OLFM3: variants seen among roughly 807,000 people sequenced by gnomAD.
OLFM3 encodes olfactomedin 3.
A neutral mutation model predicts 48.6 loss-of-function variants in OLFM3; 20 were observed. The observed-to-expected ratio is 0.41, with a 90% CI of 0.29 to 0.60. OLFM3 has a LOEUF of 0.60. Ranked by LOEUF, OLFM3 falls within the 20% of genes least tolerant of loss-of-function variation. The pLI is 0.28. For missense variants in OLFM3, 437 were observed against 544.3 expected (o/e 0.80, Z 1.96); for synonymous variants, 222 against 198.1 (o/e 1.12, Z -1.01).
At chr1:101,946,746 A>G (rs1173944620) in intron 1 of OLFM3, among the ~76,000 whole-genome samples, 1 of 152,178 alleles carries the variant, frequency 6.6e-6, no homozygotes, top group Non-Finnish European at 1.5e-5. Flanking sequence ...ACTGAACTCT[A>G]TAAACTTTTT....
chr1:101,844,428 C>T (rs1655883267), intron 1 of OLFM3, among the ~76,000 whole-genome samples: 1 of 152,064 alleles, frequency 6.6e-6, no homozygotes, highest in South Asian at 2.1e-4. Flanking sequence ...ACCAAGAGGG[C>T]CAATGACTGG....
At chr1:101,884,211 T>C (rs1293940452) in intron 1 of OLFM3, among the ~76,000 whole-genome samples, 3 of 151,994 alleles carry the variant, frequency 2.0e-5, no homozygotes, top group African/African-American at 4.8e-5. Context: ...ATGTTTAATA[T>C]GTTTTATAAA....
intron 1 of OLFM3, among the ~76,000 whole-genome samples, chr1:101,962,088 A>G (rs976537502): frequency 3.3e-5 from 5 of 152,166 alleles, no homozygotes; most frequent in Admixed American, 3.3e-4. Context: ...TGTTTAGTGA[A>G]GCTAAATTAA....
intron 4 of OLFM3, chr1:101,812,771 A>T (rs578244247): frequency 1.0e-6 from 1 of 988,730 alleles, no homozygotes; most frequent in Non-Finnish European, 1.2e-6. Context: ...TAAACTAAAC[A>T]TTGGGTGACC....
intron 1 of OLFM3, among the ~76,000 whole-genome samples, chr1:101,884,897 G>A (rs899114671): frequency 6.6e-6 from 1 of 151,902 alleles, no homozygotes; most frequent in Non-Finnish European, 1.5e-5. Flanking sequence ...TGAAACACAC[G>A]TTTCTAATTC....
At chr1:101,812,373 G>T in intron 4 of OLFM3, 1 of 946,854 alleles carries the variant, frequency 1.1e-6, no homozygotes, top group Non-Finnish European at 1.3e-6. Flanking sequence ...AGTGAAGTTT[G>T]ATTTACCAGC....
intron 1 of OLFM3, among the ~76,000 whole-genome samples, chr1:101,841,453 A>T (rs1330552523): frequency 6.6e-6 from 1 of 152,232 alleles, no homozygotes; most frequent in East Asian, 1.9e-4. Flanking sequence ...ATAAATGTAG[A>T]TAGATCATCT....
At chr1:101,822,900 CT>C (rs1400775785) in intron 4 of OLFM3, among the ~76,000 whole-genome samples, 2 of 150,310 alleles carry the variant, frequency 1.3e-5, no homozygotes, top group Non-Finnish European at 3.0e-5. Flanking sequence ...TATTTAAGTG[CT>C]ATGTTAAATA....
At chr1:101,810,105 C>T (rs949512515) in intron 4 of OLFM3, among the ~76,000 whole-genome samples, 5 of 151,626 alleles carry the variant, frequency 3.3e-5, no homozygotes, top group East Asian at 1.9e-4. Flanking sequence ...TAACTGTCTT[C>T]GTATTTTAAA....
At chr1:101,912,230 G>A (rs1381640977) in intron 1 of OLFM3, among the ~76,000 whole-genome samples, 1 of 152,134 alleles carries the variant, frequency 6.6e-6, no homozygotes, top group South Asian at 2.1e-4. Flanking sequence ...AATACCTGTG[G>A]GAACCCAAGC....
At chr1:101,898,896 C>T (rs1658296223) in intron 1 of OLFM3, among the ~76,000 whole-genome samples, 1 of 151,988 alleles carries the variant, frequency 6.6e-6, no homozygotes, top group South Asian at 2.1e-4. Context: ...GACAGCAGTA[C>T]AAAATCTTGA....
intron 1 of OLFM3, among the ~76,000 whole-genome samples, chr1:101,867,863 C>T (rs757365611): frequency 1.3e-5 from 2 of 152,082 alleles, no homozygotes; most frequent in African/African-American, 2.4e-5. Context: ...GTGGGAGGGA[C>T]CTGGTGTGAG....
chr1:101,868,494 T>C (rs564688208), intron 1 of OLFM3, among the ~76,000 whole-genome samples: 1 of 152,302 alleles, frequency 6.6e-6, no homozygotes, highest in South Asian at 2.1e-4. Flanking sequence ...AGAAAGATAA[T>C]TTATGGTAGA....
intron 1 of OLFM3, among the ~76,000 whole-genome samples, chr1:101,982,900 C>T (rs1283658825): frequency 7.7e-6 from 1 of 129,520 alleles, no homozygotes. Context: ...CTGTCTCTGT[C>T]TTTCTTTGTT....
chr1:101,923,965 G>A (rs989444734), intron 1 of OLFM3, among the ~76,000 whole-genome samples: 2 of 152,090 alleles, frequency 1.3e-5, no homozygotes, highest in Non-Finnish European at 2.9e-5. Flanking sequence ...ATGTATTGAG[G>A]ATTAAAATTT....
chr1:101,920,464 A>ATGTT (rs1659059356), intron 1 of OLFM3, among the ~76,000 whole-genome samples: 2 of 152,230 alleles, frequency 1.3e-5, no homozygotes, highest in African/African-American at 4.8e-5. Context: ...CACTCAGTGA[A>ATGTT]TGTTTGTTAA....
At chr1:101,884,218 T>C (rs1657652555) in intron 1 of OLFM3, among the ~76,000 whole-genome samples, 1 of 151,912 alleles carries the variant, frequency 6.6e-6, no homozygotes, top group South Asian at 2.1e-4. Flanking sequence ...ATATGTTTTA[T>C]AAAAAAGAAA....
At chr1:101,881,582 T>A (rs536069673) in intron 1 of OLFM3, among the ~76,000 whole-genome samples, 3 of 151,898 alleles carry the variant, frequency 2.0e-5, no homozygotes, top group African/African-American at 7.2e-5. Flanking sequence ...CAATAAGGAG[T>A]AAGCCACCTT....
chr1:101,805,866 A>C (rs1653745816), intron 5 of OLFM3, among the ~76,000 whole-genome samples: 1 of 151,392 alleles, frequency 6.6e-6, no homozygotes, highest in Non-Finnish European at 1.5e-5. Context: ...AGATTTGCTA[A>C]AGTGATGAAT....
Sources: allele counts gnomAD v4.1 joint callset (sites outside exome capture counted in the v4.1 genomes callset), GRCh38; gene constraint gnomAD v4.1.1; transcripts MANE v1.5; gene names NCBI Gene and HGNC (gene_info 2026-07-23, HGNC 2026-07-21).